The following DICER1 variants were observed in gnomAD, a reference collection of about 807,000 sequenced individuals.
DICER1 encodes the protein dicer 1, ribonuclease III.
DICER1 carries 43 observed loss-of-function variants against 194.1 expected under a neutral mutation model. The observed-to-expected ratio is 0.22, with a 90% CI of 0.17 to 0.29. The LOEUF is 0.29. DICER1 is among the 10% of genes least tolerant of loss of function. The pLI, the probability that DICER1 is intolerant of heterozygous loss-of-function variation, is 1.00. For synonymous variants in DICER1, 832 were observed against 820.5 expected (o/e 1.01, Z -0.24); for missense variants, 1,608 against 2,317.0 (o/e 0.69, Z 6.28).
intron 1 of DICER1, among the ~76,000 whole-genome samples, chr14:95,150,017 T>A (rs1393451786): frequency 2.6e-5 from 4 of 152,248 alleles, no homozygotes; most frequent in Non-Finnish European, 4.4e-5. Context: ...CCTAGTTTTC[T>A]CAGTTAACTT....
At chr14:95,135,399 T>C (rs918828921) in intron 1 of DICER1, among the ~76,000 whole-genome samples, 4 of 152,204 alleles carry the variant, frequency 2.6e-5, no homozygotes, top group Non-Finnish European at 5.9e-5. Context: ...CATCTTCTCC[T>C]ACTTCCAGAA....
In DICER1 at chr14:95,103,635, C is replaced by T. The variant is rs1440770707; in HGVS notation, c.3761G>A (p.Gly1254Glu). 1 of 1,614,166 alleles carries T rather than the reference C, an allele frequency of 6.2e-7. No homozygotes were observed. The highest frequency in any genetic ancestry group is 1.1e-5 in the South Asian group (1 of 91,078). ...AGGCATTACGGCCATCACAGGACTT[C>T]CATCTGAGGTAGATTTGTTAGCATT... Reference protein sequence around the residue: ...DGNANKSTSDGSPVMAVMPGT... With the variant: ...DGNANKSTSDESPVMAVMPGT... Residue 1254 changes from glycine to glutamate, a missense_variant, in exon 21 of 27, where the codon GGA becomes GAA. By Grantham distance (98) the Gly-to-Glu change is moderately conservative. This residue lies in a region of DICER1 where 222 missense variants were observed against 215.5 expected (regional missense o/e 1.03). Transcript: ENST00000343455.
chr14:95,116,319 A>T (rs528993755), intron 10 of DICER1, 134 bp downstream of exon 10: 1 of 1,113,676 alleles, frequency 9.0e-7, no homozygotes, highest in African/African-American at 1.6e-5. Flanking sequence ...CAATGTACAC[A>T]GAGTACACCT....
At chr14:95,123,949 C>A (rs935566388) in intron 8 of DICER1, among the ~76,000 whole-genome samples, 1 of 152,082 alleles carries the variant, frequency 6.6e-6, no homozygotes, top group Non-Finnish European at 1.5e-5. Context: ...ACTTGTCCTC[C>A]ATTTTAGGTA....
At chr14:95,143,298 G>C (rs192002053) in intron 1 of DICER1, among the ~76,000 whole-genome samples, 14 of 152,268 alleles carry the variant, frequency 9.2e-5, no homozygotes, top group Middle Eastern at 3.4e-3. Flanking sequence ...GACTGTTGAC[G>C]TAAGGACAAA....
At chr14:95,142,653 T>C (rs527904124) in intron 1 of DICER1, among the ~76,000 whole-genome samples, 2 of 152,374 alleles carry the variant, frequency 1.3e-5, no homozygotes, top group South Asian at 4.1e-4. Flanking sequence ...ACTTATTTTA[T>C]ACTGGTAATT....
chr14:95,144,812 A>C (rs565687546), intron 1 of DICER1, among the ~76,000 whole-genome samples: 1 of 152,348 alleles, frequency 6.6e-6, no homozygotes, highest in South Asian at 2.1e-4. Flanking sequence ...CAACAGATTC[A>C]GGAAAAGTTC....
intron 1 of DICER1, among the ~76,000 whole-genome samples, chr14:95,149,904 A>C (rs974351248): frequency 6.6e-6 from 1 of 152,258 alleles, no homozygotes; most frequent in Non-Finnish European, 1.5e-5. Flanking sequence ...CGATCTTGGC[A>C]CCCAAGTCCA....
chr14:95,097,720 C>A (rs549000956), intron 22 of DICER1, among the ~76,000 whole-genome samples: 2 of 152,250 alleles, frequency 1.3e-5, no homozygotes, highest in South Asian at 2.1e-4. Flanking sequence ...AAAGTTGCAA[C>A]CTTCAAGCAT....
At chr14:95,145,082 G>T (rs1012194984) in intron 1 of DICER1, among the ~76,000 whole-genome samples, 1 of 152,102 alleles carries the variant, frequency 6.6e-6, no homozygotes, top group Non-Finnish European at 1.5e-5. Flanking sequence ...TGTTAAGATG[G>T]TATATGAGCC....
At chr14:95,093,567 T>G (rs1890035933) in intron 24 of DICER1, among the ~76,000 whole-genome samples, 1 of 152,206 alleles carries the variant, frequency 6.6e-6, no homozygotes, top group Admixed American at 6.5e-5. Flanking sequence ...AAACCTGCCT[T>G]GGGGTCCGGC....
chr14:95,091,402 G>T, intron 24 of DICER1, 37 bp from the exon 25 acceptor site: 1 of 1,604,662 alleles, frequency 6.2e-7, no homozygotes, highest in Non-Finnish European at 8.5e-7. Flanking sequence ...AAGCAAAAAG[G>T]CCACTTTTAC....
At chr14:95,134,585 A>G (rs1276093725) in intron 1 of DICER1, 1 of 152,252 alleles carries the variant, frequency 6.6e-6, no homozygotes, top group Non-Finnish European at 1.5e-5. Context: ...ACATGACTTA[A>G]GTTGTTGCAA....
At chr14:95,135,170 C>A (rs140034618) in intron 1 of DICER1, among the ~76,000 whole-genome samples, 105 of 152,318 alleles carry the variant, frequency 6.9e-4, no homozygotes, top group African/African-American at 2.5e-3. Context: ...GGAATCCACT[C>A]TCGTGATACC....
Position 95,122,191 on chromosome 14 carries a change from A to G in DICER1, c.1376+2005T>C, listed in dbSNP as rs185171178. ...ACAATTCATCTGATCCTTAAAGTCA[A>G]TAGGAAGTAACCGACTGATTCTGGA... On this transcript the variant is annotated intron_variant, in intron 8 of 26. Transcript: ENST00000343455. Among the ~76,000 whole-genome samples, 3 of 152,328 alleles carry G rather than the reference A, an allele frequency of 2.0e-5. No homozygotes were observed. The East Asian group carries it at 5.8e-4, about 29-fold the overall frequency.
At chr14:95,156,651 A>T (rs998515598) in intron 1 of DICER1, among the ~76,000 whole-genome samples, 1 of 152,244 alleles carries the variant, frequency 6.6e-6, no homozygotes, top group Non-Finnish European at 1.5e-5. Flanking sequence ...GCACAAAAAC[A>T]TCTGAGGGGA....
At chr14:95,127,968 C>A (rs1216499442) in intron 6 of DICER1, among the ~76,000 whole-genome samples, 1 of 152,218 alleles carries the variant, frequency 6.6e-6, no homozygotes, top group African/African-American at 2.4e-5. Context: ...GGAGTTTTAT[C>A]ATTCAATTTA....
intron 1 of DICER1, among the ~76,000 whole-genome samples, chr14:95,134,030 TGAC>T (rs1252139372): frequency 6.6e-6 from 1 of 152,212 alleles, no homozygotes; most frequent in Non-Finnish European, 1.5e-5. Context: ...GTATATTCTA[TGAC>T]GTTACTGATA....
rs1555366698 is a variant in DICER1 at position 95,093,936 on chromosome 14, A to G, written c.5316T>C (p.Phe1772=). The stretch of plus-strand genomic sequence containing the variant: ...CATTCTTCTCAAGCTGAAACTGCAC[A>G]AAGTCATCAATGACATGGAAGAGCT... ...SPELFHVIDD[F]VQFQLEKNEM... The change falls in exon 24 of 27, where the codon TTT becomes TTC. Residue 1772 remains phenylalanine (F), a synonymous_variant. Coordinates refer to ENST00000343455, the MANE Select transcript of DICER1 (RefSeq NM_177438.3). 1.2e-6 allele frequency: 2 copies of G among 1,614,212 alleles called. No individual in the cohort carries two copies. The highest frequency in any genetic ancestry group is 1.3e-5 in the African/African-American group (1 of 75,060).
Sources: allele counts gnomAD v4.1 joint callset (sites outside exome capture counted in the v4.1 genomes callset), GRCh38; gene constraint gnomAD v4.1.1; regional missense constraint gnomAD v4.1.1; transcripts MANE v1.5; gene names NCBI Gene and HGNC (gene_info 2026-07-23, HGNC 2026-07-21).